The following CEP192 variants were observed in gnomAD, a reference collection of about 807,000 sequenced individuals.
The protein encoded by CEP192 is centrosomal protein of 192 kDa.
In CEP192, 151 loss-of-function variants were observed where a neutral mutation model predicts 271.8. The observed-to-expected ratio is 0.56, with a 90% CI of 0.49 to 0.64. CEP192 has a LOEUF of 0.64. CEP192 is among the 30% of genes least tolerant of loss of function. The pLI is 0.00. For missense variants in CEP192, 2,910 were observed against 3,020.5 expected, an observed-to-expected ratio of 0.96 and a Z score of 0.86; for synonymous variants, 995 against 1,076.5, an observed-to-expected ratio of 0.92 and a Z score of 1.48.
chr18:13,116,232 A>G (rs2040421139), intron 42 of CEP192, 145 bp from the exon 43 acceptor site: 2 of 787,880 alleles, frequency 2.5e-6, no homozygotes, highest in Admixed American at 6.1e-5. Context: ...TAAATTAGAT[A>G]AGTCGTCATT....
At position 13,112,240 on chromosome 18, in the gene CEP192, G is replaced by A. The variant is rs139133071; in HGVS notation, c.7048-1346G>A. 5.9e-3 allele frequency among the ~76,000 whole-genome samples: 897 copies of A among 152,314 alleles called. 13 individuals are homozygous for A. Among genetic ancestry groups the A allele is most frequent in the African/African-American group, 0.02 (834 of 41,550 alleles). On this transcript the variant is annotated intron_variant, in intron 40 of 44. Coordinates refer to ENST00000506447, the MANE Select transcript of CEP192 (RefSeq NM_032142.4). ...GAATCACCCAAATGTCTGATGGGTC[G>A]ATAAACAAAATCTGGTATATCTGTA...
intron 12 of CEP192, 132 bp from the exon 13 acceptor site, chr18:13,038,238 T>C: frequency 1.7e-6 from 1 of 583,626 alleles, no homozygotes. Flanking sequence ...GTTTGTCCAA[T>C]TTTTTTTTTG....
At chr18:13,010,354 T>A (rs1274418877) in intron 4 of CEP192, among the ~76,000 whole-genome samples, 1 of 152,150 alleles carries the variant, frequency 6.6e-6, no homozygotes, top group Non-Finnish European at 1.5e-5. Flanking sequence ...CCTGATTATA[T>A]GTTGTAAGAT....
chr18:13,056,788 G>A (rs2037129861), intron 19 of CEP192, 90 bp downstream of exon 19: 2 of 1,065,962 alleles, frequency 1.9e-6, no homozygotes, highest in Non-Finnish European at 2.7e-6. Flanking sequence ...TTACTGGTTA[G>A]CATTAATTCC....
intron 21 of CEP192, among the ~76,000 whole-genome samples, chr18:13,067,581 A>T (rs2037778637): frequency 6.6e-6 from 1 of 152,236 alleles, no homozygotes; most frequent in Non-Finnish European, 1.5e-5. Flanking sequence ...TCATCTTAAG[A>T]TACAGTCTTT....
In CEP192 at chr18:13,053,337, A is replaced by C. The variant is rs928457708; in HGVS notation, c.3189+247A>C. Among the ~76,000 whole-genome samples the C allele has an allele frequency of 5.1e-4, 78 of 152,266 alleles. 1 individual carries two copies. Among genetic ancestry groups the C allele is most frequent in the Non-Finnish European group, 1.5e-4 (10 of 68,054 alleles). ...TGAGGCACGCTGTGTAATGAAGTGC[A>C]TCATGCTGCGCGCATACTATGGGGA... On this transcript the variant is annotated intron_variant, in intron 18 of 44. Coordinates refer to ENST00000506447, the MANE Select transcript of CEP192 (RefSeq NM_032142.4).
At chr18:13,047,414 A>T (rs2143942339) in intron 15 of CEP192, among the ~76,000 whole-genome samples, 1 of 152,240 alleles carries the variant, frequency 6.6e-6, no homozygotes, top group Non-Finnish European at 1.5e-5. Context: ...TCATTGGCAG[A>T]TTCAGTTTTT....
chr18:13,056,827 G>A, intron 19 of CEP192, 129 bp downstream of exon 19: 1 of 794,448 alleles, frequency 1.3e-6, no homozygotes, highest in Non-Finnish European at 2.0e-6. Flanking sequence ...TTCCTAAACT[G>A]AGAACACCGT....
chr18:13,081,712 C>G (rs1419634774), intron 30 of CEP192, among the ~76,000 whole-genome samples: 1 of 152,012 alleles, frequency 6.6e-6, no homozygotes, highest in African/African-American at 2.4e-5. Flanking sequence ...TCCTCTAGTT[C>G]TTTTAATTGT....
At chr18:13,111,849 G>C (rs2040224102) in intron 40 of CEP192, among the ~76,000 whole-genome samples, 1 of 152,154 alleles carries the variant, frequency 6.6e-6, no homozygotes, top group Non-Finnish European at 1.5e-5. Flanking sequence ...ACATACAAGT[G>C]GTCAATAAAC....
At position 12,999,428 on chromosome 18, in the gene CEP192, G is replaced by C. The variant is rs1351200274; in HGVS notation, c.4G>C (p.Glu2Gln). 1.3e-6 allele frequency: 2 copies of C among 1,535,178 alleles called. No individual in the cohort carries two copies. The highest frequency in any genetic ancestry group is 4.3e-5 in the Admixed American group (2 of 46,956). The change falls in exon 2 of 45, where the codon GAA becomes CAA. Residue 2 changes from glutamate to glutamine, a missense_variant. Coordinates refer to ENST00000506447, the MANE Select transcript of CEP192 (RefSeq NM_032142.4). Reference protein sequence around the residue: MEDFRGIAEESF... With the variant: MQDFRGIAEESF... ...ATACTTTTGTTATTGCAGTGAGATGGAAGATTTTCGAGGTATAGCAGAAGA... is the reference window on the plus strand; with the variant it reads ...ATACTTTTGTTATTGCAGTGAGATGCAAGATTTTCGAGGTATAGCAGAAGA...
chr18:12,992,861 A>G (rs1431325018), intron 1 of CEP192, among the ~76,000 whole-genome samples: 1 of 152,144 alleles, frequency 6.6e-6, no homozygotes, highest in Non-Finnish European at 1.5e-5. Context: ...AGGGTTCTTC[A>G]TGGTTTGTGT....
At chr18:13,102,674 C>T (rs965076328) in intron 38 of CEP192, among the ~76,000 whole-genome samples, 4 of 152,182 alleles carry the variant, frequency 2.6e-5, no homozygotes, top group Non-Finnish European at 4.4e-5. Flanking sequence ...AGCTGCTATG[C>T]GCCAGGGCTC....
In CEP192 at chr18:13,057,731, A is replaced by G; in HGVS notation, c.4255A>G (p.Lys1419Glu). 1 of 1,612,602 alleles carries G rather than the reference A, an allele frequency of 6.2e-7. No individual in the cohort carries two copies. The highest frequency in any genetic ancestry group is 8.5e-7 in the Non-Finnish European group (1 of 1,179,258). ...CCTCAGCATTAGTGTTAATGGTGAAAAGGTAGCTTTCTATGTCTTTCTCAT... is the reference window on the plus strand; with the variant it reads ...CCTCAGCATTAGTGTTAATGGTGAAGAGGTAGCTTTCTATGTCTTTCTCAT... ...GVLSISVNGE[K>E]VDLSTYRCLV... The change falls in exon 20 of 45, where the codon AAG becomes GAG. Residue 1419 changes from lysine (K) to glutamate (E), a missense_variant and splice_region_variant. Lys to Glu is a moderately conservative substitution (Grantham distance 56). Coordinates refer to ENST00000506447, the MANE Select transcript of CEP192 (RefSeq NM_032142.4).
intron 35 of CEP192, 147 bp from the exon 36 acceptor site, chr18:13,096,037 A>C: frequency 1.2e-6 from 1 of 811,890 alleles, no homozygotes; most frequent in Non-Finnish European, 1.9e-6. Context: ...GTTTACTACC[A>C]AGGATTGGAA....
chr18:13,056,362 G>C lies in CEP192; in HGVS notation c.3772G>C (p.Ala1258Pro). The change falls in exon 19 of 45, where the codon GCT becomes CCT. Residue 1258 changes from alanine (A) to proline (P), a missense_variant. Physicochemically the swap from Ala to Pro is conservative, Grantham distance 27. Transcript: ENST00000506447. Reference sequence around the variant, plus strand: ...ACTCTTGACACAACCCTCTCTCAGCGCTGCTCCTTTTGCTCAGCGGTATTT... The same window carrying C: ...ACTCTTGACACAACCCTCTCTCAGCCCTGCTCCTTTTGCTCAGCGGTATTT... Reference protein sequence around the residue: ...HALLTQPSLSAAPFAQRYLGT... With the variant: ...HALLTQPSLSPAPFAQRYLGT... 6.2e-7 allele frequency: 1 copy of C among 1,614,202 alleles called. No individual in the cohort carries two copies. The highest frequency in any genetic ancestry group is 8.5e-7 in the Non-Finnish European group (1 of 1,180,038).
chr18:13,083,237 C>G (rs748207851), intron 30 of CEP192, among the ~76,000 whole-genome samples: 2 of 152,214 alleles, frequency 1.3e-5, no homozygotes, highest in South Asian at 2.1e-4. Flanking sequence ...TTCCATTCTT[C>G]CTGTCACTTT....
Position 13,046,110 on chromosome 18 carries a change from G to A in CEP192, c.2068-2749G>A, listed in dbSNP as rs915533230. On this transcript the variant is annotated intron_variant, in intron 15 of 44. Coordinates refer to ENST00000506447, the MANE Select transcript of CEP192 (RefSeq NM_032142.4). ...AGGCTGTATAGGAAGTGTGGTGTGGGCATCTGCTTGGCTTCTGGGGGGGCC... is the reference window on the plus strand; with the variant it reads ...AGGCTGTATAGGAAGTGTGGTGTGGACATCTGCTTGGCTTCTGGGGGGGCC... 2.6e-5 allele frequency among the ~76,000 whole-genome samples: 4 copies of A among 152,222 alleles called. No individual in the cohort carries two copies. The East Asian group carries it at 7.7e-4, about 29-fold the overall frequency.
chr18:12,998,216 T>C (rs937883631), intron 1 of CEP192, among the ~76,000 whole-genome samples: 2 of 152,232 alleles, frequency 1.3e-5, no homozygotes, highest in African/African-American at 4.8e-5. Flanking sequence ...ATAGGTTGAT[T>C]GTGTCAGTTC....
Sources: gnomAD v4.1 joint callset for allele counts (sites outside exome capture counted in the v4.1 genomes callset) on GRCh38, gnomAD v4.1.1 for gene constraint, MANE v1.5 for transcripts, NCBI Gene and HGNC (gene_info 2026-07-23, HGNC 2026-07-21) for gene names.